SLC10A2: variants seen among roughly 807,000 people sequenced by gnomAD.
SLC10A2 encodes the protein solute carrier family 10 member 2, also known as ileal sodium/bile acid cotransporter.
Under a neutral mutation model 27.1 loss-of-function variants are expected in SLC10A2, and 34 were observed. The ratio of observed to expected loss-of-function variants is 1.26; its 90% CI spans 0.96 to 1.67. The LOEUF (loss-of-function observed/expected upper bound fraction) is 1.67, where lower values mean the gene tolerates loss of function less well. SLC10A2 is among the 40% of genes most tolerant of loss of function. The pLI is 0.00. For synonymous variants in SLC10A2, 205 were observed against 174.0 expected (o/e 1.18, Z -1.40); for missense variants, 530 against 444.4 (o/e 1.19, Z -1.73).
At chr13:103,046,669 T>G (rs1194730561) in intron 5 of SLC10A2, among the ~76,000 whole-genome samples, 4 of 152,246 alleles carry the variant, frequency 2.6e-5, no homozygotes, top group Non-Finnish European at 5.9e-5. Context: ...GTAGAAGGAC[T>G]TGAACTAGAA....
intron 1 of SLC10A2, among the ~76,000 whole-genome samples, chr13:103,059,109 G>A (rs960639518): frequency 2.6e-5 from 4 of 152,000 alleles, no homozygotes; most frequent in South Asian, 4.2e-4. Context: ...CTGTAACCTC[G>A]CCAGCATCTG....
At chr13:103,049,545 T>TTTTA in intron 4 of SLC10A2, 99 bp from the exon 5 acceptor site, 1 of 1,223,474 alleles carries the variant, frequency 8.2e-7, no homozygotes, top group South Asian at 1.3e-5. Flanking sequence ...GCATTATGTC[T>TTTTA]CTGCTTTTAA....
Position 103,046,220 on chromosome 13 carries a change from T to G in SLC10A2, c.960A>C (p.Ala320=). ...AYKKCHGKNK[A]EIPESKENGT... ...CATTTTCTTTGCTCTCTGGAATTTC[T>G]GCCTTGTTTTTTCCATGACATTTCT... Residue 320 remains alanine (A), a synonymous_variant, in exon 6 of 6, where the codon GCA becomes GCC. Coordinates refer to ENST00000245312, the MANE Select transcript of SLC10A2 (RefSeq NM_000452.3). The G allele has an allele frequency of 6.2e-7, 1 of 1,613,674 alleles. No homozygotes were observed. The highest frequency in any genetic ancestry group is 8.5e-7 in the Non-Finnish European group (1 of 1,179,634).
rs202184362 is a variant in SLC10A2 at position 103,058,347 on chromosome 13, A to C, written c.413T>G (p.Leu138Arg). The change falls in exon 2 of 6, where the codon CTC (leucine) becomes CGC (arginine). Residue 138 changes from leucine (L) to arginine (R), a missense_variant. Physicochemically the swap from Leu to Arg is moderately radical, Grantham distance 102 (BLOSUM62 -2). Transcript: ENST00000245312. The stretch of plus-strand genomic sequence containing the variant: ...AAGGAGGCACAGCGGCATCATTCCG[A>C]GGGCAAGCAGTGTGGAGCATGTGGT... Reference protein sequence around the residue: ...SMTTCSTLLALGMMPLCLLIY... With the variant: ...SMTTCSTLLARGMMPLCLLIY... 1.2e-5 allele frequency: 19 copies of C among 1,613,848 alleles called. No homozygotes were observed. In the Middle Eastern group the frequency reaches 6.6e-4, roughly 56 times the overall value.
At position 103,052,109 on chromosome 13, in the gene SLC10A2, G is replaced by A. The variant is rs140325876; in HGVS notation, c.585+511C>T. 3.3e-3 allele frequency among the ~76,000 whole-genome samples: 500 copies of A among 152,290 alleles called. 2 individuals are homozygous for A. The highest frequency in any genetic ancestry group is 0.012 in the African/African-American group (482 of 41,566). Reference sequence around the variant, plus strand: ...TCTAGCTAGAATATAGTTAGTGAATGGGATTGCCAGGCAATGAAATGGCCA... The same window carrying A: ...TCTAGCTAGAATATAGTTAGTGAATAGGATTGCCAGGCAATGAAATGGCCA... On this transcript the variant is annotated intron_variant, in intron 3 of 5. Transcript: ENST00000245312.
intron 5 of SLC10A2, among the ~76,000 whole-genome samples, chr13:103,048,948 G>C (rs1261722335): frequency 6.6e-6 from 1 of 152,126 alleles, no homozygotes; most frequent in African/African-American, 2.4e-5. Flanking sequence ...TTTTGAAAAA[G>C]ATCACCAAAT....
At chr13:103,062,776 A>G (rs1876162650) in intron 1 of SLC10A2, among the ~76,000 whole-genome samples, 1 of 152,202 alleles carries the variant, frequency 6.6e-6, no homozygotes, top group South Asian at 2.1e-4. Flanking sequence ...TCTGTAAAAT[A>G]ATAAAAAGGA....
At chr13:103,057,828 G>A (rs983656858) in intron 2 of SLC10A2, among the ~76,000 whole-genome samples, 3 of 151,826 alleles carry the variant, frequency 2.0e-5, no homozygotes, top group African/African-American at 4.8e-5. Flanking sequence ...GCAGTGAGCC[G>A]AGATCACGCC....
At chr13:103,051,697 C>T (rs1595438720) in intron 3 of SLC10A2, among the ~76,000 whole-genome samples, 1 of 152,164 alleles carries the variant, frequency 6.6e-6, no homozygotes, top group East Asian at 1.9e-4. Context: ...TGAAAATTAT[C>T]CTTGTCAGAA....
intron 1 of SLC10A2, among the ~76,000 whole-genome samples, chr13:103,062,761 G>A (rs1778712701): frequency 6.6e-6 from 1 of 152,176 alleles, no homozygotes; most frequent in Admixed American, 6.5e-5. Flanking sequence ...GATGTGGTAG[G>A]AAAGTCTGTA....
intron 1 of SLC10A2, among the ~76,000 whole-genome samples, chr13:103,059,123 A>G (rs1414807867): frequency 1.3e-5 from 2 of 152,092 alleles, no homozygotes; most frequent in African/African-American, 4.8e-5. Context: ...GCATCTGTTA[A>G]TTTTTGCCTT....
intron 1 of SLC10A2, among the ~76,000 whole-genome samples, chr13:103,061,486 C>A (rs976420832): frequency 6.6e-6 from 1 of 151,746 alleles, no homozygotes; most frequent in Non-Finnish European, 1.5e-5. Flanking sequence ...AACTGGGTTC[C>A]AGTGAAGAGA....
chr13:103,059,925 A>G (rs1774767643), intron 1 of SLC10A2, among the ~76,000 whole-genome samples: 2 of 152,210 alleles, frequency 1.3e-5, no homozygotes. Context: ...CAGGGTAGAC[A>G]TAAATTCTTA....
chr13:103,049,574 G>A, intron 4 of SLC10A2, 128 bp from the exon 5 acceptor site: 1 of 888,572 alleles, frequency 1.1e-6, no homozygotes, highest in Non-Finnish European at 1.8e-6. Flanking sequence ...TTTAAGATAG[G>A]CTTATTCAAT....
intron 1 of SLC10A2, among the ~76,000 whole-genome samples, chr13:103,060,330 C>T (rs1350811409): frequency 2.0e-5 from 3 of 151,404 alleles, no homozygotes; most frequent in South Asian, 2.1e-4. Flanking sequence ...CAATGGTGTC[C>T]GGCACTTAGA....
intron 2 of SLC10A2, among the ~76,000 whole-genome samples, chr13:103,054,714 T>A (rs1679723759): frequency 6.6e-6 from 1 of 152,256 alleles, no homozygotes; most frequent in East Asian, 1.9e-4. Flanking sequence ...TGAGGCCAGA[T>A]GAAGTTTTTC....
chr13:103,052,350 A>G (rs1473472646), intron 3 of SLC10A2, among the ~76,000 whole-genome samples: 1 of 151,714 alleles, frequency 6.6e-6, no homozygotes, highest in African/African-American at 2.4e-5. Flanking sequence ...GGCTGGGCGC[A>G]GTGTCTCATA....
At chr13:103,060,431 C>G (rs1170667962) in intron 1 of SLC10A2, among the ~76,000 whole-genome samples, 1 of 148,280 alleles carries the variant, frequency 6.7e-6, no homozygotes, top group African/African-American at 2.5e-5. Flanking sequence ...GTCACCCAGG[C>G]CAGAGTACAG....
intron 3 of SLC10A2, among the ~76,000 whole-genome samples, chr13:103,052,354 TCTCATAC>T (rs143058850): frequency 0.031 from 4,723 of 152,186 alleles, 104 homozygotes; most frequent in African/African-American, 0.06. Context: ...GGGCGCAGTG[TCTCATAC>T]CTGTAATCCC....
Sources: allele counts gnomAD v4.1 joint callset (sites outside exome capture counted in the v4.1 genomes callset), GRCh38; gene constraint gnomAD v4.1.1; transcripts MANE v1.5; gene names NCBI Gene and HGNC (gene_info 2026-07-23, HGNC 2026-07-21).